ZNRF1: variants seen among roughly 807,000 people sequenced by gnomAD.
ZNRF1 encodes zinc and ring finger 1.
Under a neutral mutation model 18.4 loss-of-function variants are expected in ZNRF1, and 3 were observed. That is an observed-to-expected ratio of 0.16 (90% CI 0.07 to 0.42). ZNRF1 has a LOEUF of 0.42. ZNRF1 is among the 10% of genes least tolerant of loss of function. The pLI is 0.99. For synonymous variants in ZNRF1, 157 were observed against 144.2 expected, an observed-to-expected ratio of 1.09 and a Z score of -0.64; for missense variants, 310 against 329.8, an observed-to-expected ratio of 0.94 and a Z score of 0.47.
At chr16:75,051,472 G>A (rs1051420230) in intron 1 of ZNRF1, among the ~76,000 whole-genome samples, 1 of 151,936 alleles carries the variant, frequency 6.6e-6, no homozygotes, top group Admixed American at 6.6e-5. Context: ...GCCTCCCAAA[G>A]TGTTGGGATT....
chr16:75,096,027 T>A (rs1239885738), intron 2 of ZNRF1, among the ~76,000 whole-genome samples: 1 of 151,054 alleles, frequency 6.6e-6, no homozygotes, highest in African/African-American at 2.4e-5. Flanking sequence ...GCAGGCCACC[T>A]CCTCAAGGGT....
intron 1 of ZNRF1, among the ~76,000 whole-genome samples, chr16:75,085,783 C>T (rs893659776): frequency 5.1e-5 from 4 of 79,118 alleles, no homozygotes; most frequent in South Asian, 1.1e-3. Context: ...GAAACAGATC[C>T]GACAGAGTGA....
chr16:75,089,412 A>C (rs1301585854), intron 1 of ZNRF1, among the ~76,000 whole-genome samples: 1 of 152,178 alleles, frequency 6.6e-6, no homozygotes, highest in Non-Finnish European at 1.5e-5. Flanking sequence ...CCCAGCCCAG[A>C]GCTATTTCTT....
chr16:75,092,902 T>G (rs185877934), intron 1 of ZNRF1, among the ~76,000 whole-genome samples: 4 of 152,224 alleles, frequency 2.6e-5, no homozygotes, highest in South Asian at 4.1e-4. Context: ...TAAACTGTTA[T>G]GCAAAGGCTG....
intron 1 of ZNRF1, among the ~76,000 whole-genome samples, chr16:75,042,862 A>G (rs1308598315): frequency 6.6e-6 from 1 of 152,170 alleles, no homozygotes; most frequent in Non-Finnish European, 1.5e-5. Flanking sequence ...TTTAGAGGTT[A>G]TAATAAGCGA....
rs895489865 is a variant in ZNRF1 at position 75,045,716 on chromosome 16, CTTTTTTTTT to C, written c.424+45632_424+45640del. On this transcript the variant is annotated intron_variant, in intron 1 of 4. Coordinates refer to ENST00000335325, the MANE Select transcript of ZNRF1 (RefSeq NM_032268.5). Reference sequence around the variant, plus strand: ...TGCTCAGCTGAATCTTCTTCTTCGTCTTTTTTTTTTTTTTTTTTTCCAGAGACAGGGCTA... The same window carrying C: ...TGCTCAGCTGAATCTTCTTCTTCGTCTTTTTTTTTTCCAGAGACAGGGCTA... Among the ~76,000 whole-genome samples the C allele has an allele frequency of 9.2e-5, 12 of 130,362 alleles. No individual in the cohort carries two copies. The East Asian group carries it at 2.5e-3, about 27-fold the overall frequency. 85.5% of individuals were successfully genotyped at this position (130,362 alleles called of 152,430 possible).
intron 1 of ZNRF1, among the ~76,000 whole-genome samples, chr16:75,045,335 T>C (rs1193857061): frequency 1.3e-5 from 2 of 152,184 alleles, no homozygotes; most frequent in Non-Finnish European, 2.9e-5. Flanking sequence ...TTAGGTGCTC[T>C]TGACCATTTT....
chr16:75,054,020 T>C (rs908226174), intron 1 of ZNRF1, among the ~76,000 whole-genome samples: 4 of 152,248 alleles, frequency 2.6e-5, no homozygotes, highest in Non-Finnish European at 5.9e-5. Context: ...CTTCAGGGAA[T>C]AGGACTGATG....
intron 1 of ZNRF1, among the ~76,000 whole-genome samples, chr16:75,079,385 C>G (rs1380500750): frequency 6.6e-6 from 1 of 152,172 alleles, no homozygotes; most frequent in Admixed American, 6.5e-5. Flanking sequence ...GAGGCTGAGG[C>G]AAGAGAATCA....
chr16:75,017,034 A>G (rs1202652825), intron 1 of ZNRF1, among the ~76,000 whole-genome samples: 4 of 152,140 alleles, frequency 2.6e-5, no homozygotes, highest in Non-Finnish European at 5.9e-5. Flanking sequence ...CATCTGGCAA[A>G]CCCACCCTAA....
intron 1 of ZNRF1, among the ~76,000 whole-genome samples, chr16:75,010,786 C>G (rs1224478509): frequency 6.9e-6 from 1 of 145,042 alleles, no homozygotes; most frequent in Non-Finnish European, 1.5e-5. Context: ...TCTCCACTCA[C>G]TGCAACCTCT....
intron 1 of ZNRF1, among the ~76,000 whole-genome samples, chr16:75,029,924 G>A (rs1356557464): frequency 6.6e-6 from 1 of 151,840 alleles, no homozygotes; most frequent in African/African-American, 2.4e-5. Context: ...CAGGTGTTGT[G>A]TTGTGGTGAA....
chr16:75,030,860 A>T (rs1293696651), intron 1 of ZNRF1, among the ~76,000 whole-genome samples: 8 of 114,536 alleles, frequency 7.0e-5, no homozygotes, highest in African/African-American at 1.8e-4. Context: ...TTTTTTGTTA[A>T]GACGGAGCCT....
At chr16:75,063,071 T>G (rs1336591168) in intron 1 of ZNRF1, among the ~76,000 whole-genome samples, 1 of 152,178 alleles carries the variant, frequency 6.6e-6, no homozygotes, top group Non-Finnish European at 1.5e-5. Flanking sequence ...GGAGGGAAAC[T>G]TAGAGGCATA....
At position 75,105,216 on chromosome 16, in the gene ZNRF1, C is replaced by T. The variant is rs1267300105; in HGVS notation, c.626+327C>T. 1.4e-5 allele frequency: 4 copies of T among 280,644 alleles called. No homozygotes were observed. In the Admixed American group the frequency reaches 1.9e-4, roughly 13 times the overall value. The allele number at this position is 280,644 out of a possible 1,614,324, so 17.4% of individuals were successfully genotyped here. On this transcript the variant is annotated intron_variant, in intron 3 of 4. Coordinates refer to ENST00000335325, the MANE Select transcript of ZNRF1 (RefSeq NM_032268.5). Reference sequence around the variant, plus strand: ...GGAAGGTTGGTTCTCCGTCTGTCTCCCTGCCTCTTCTTCCTCTACGGGTCC... The same window carrying T: ...GGAAGGTTGGTTCTCCGTCTGTCTCTCTGCCTCTTCTTCCTCTACGGGTCC...
At chr16:75,069,758 G>T (rs2035847638) in intron 1 of ZNRF1, among the ~76,000 whole-genome samples, 1 of 152,144 alleles carries the variant, frequency 6.6e-6, no homozygotes, top group South Asian at 2.1e-4. Context: ...CATATCTCCA[G>T]TCCAGATCTT....
chr16:75,036,575 T>TC (rs1414526519), intron 1 of ZNRF1, among the ~76,000 whole-genome samples: 1 of 152,050 alleles, frequency 6.6e-6, no homozygotes, highest in Non-Finnish European at 1.5e-5. Flanking sequence ...TTTCTTTTTT[T>TC]TTTTTTTTCC....
chr16:75,063,179 G>C (rs1179246630), intron 1 of ZNRF1, among the ~76,000 whole-genome samples: 2 of 152,190 alleles, frequency 1.3e-5, no homozygotes, highest in Non-Finnish European at 2.9e-5. Flanking sequence ...CGTACCTGTT[G>C]TCAGCTCCCC....
chr16:75,104,907 G>A lies in ZNRF1; in HGVS notation c.626+18G>A, dbSNP rs373379079. 7.0e-6 allele frequency: 11 copies of A among 1,574,652 alleles called. No homozygotes were observed. The highest frequency in any genetic ancestry group is 8.6e-6 in the Non-Finnish European group (10 of 1,158,426). On this transcript the variant is annotated intron_variant, in intron 3 of 4. Coordinates refer to ENST00000335325, the MANE Select transcript of ZNRF1 (RefSeq NM_032268.5). The stretch of plus-strand genomic sequence containing the variant: ...CACAAAAGGTAGGAGGGGTTGGCAA[G>A]GTAGCTTAGTGCACCCCACCTCCCA...
Sources: allele counts gnomAD v4.1 joint callset (sites outside exome capture counted in the v4.1 genomes callset), GRCh38; gene constraint gnomAD v4.1.1; transcripts MANE v1.5; gene names NCBI Gene and HGNC (gene_info 2026-07-23, HGNC 2026-07-21).